The following USH2A variants were observed in gnomAD, a reference collection of about 807,000 sequenced individuals.
USH2A encodes Usher syndrome 2A (autosomal recessive, mild).
Under a neutral mutation model 538.9 loss-of-function variants are expected in USH2A, and 443 were observed. That is an observed-to-expected ratio of 0.82 (90% CI 0.76 to 0.89). The LOEUF (loss-of-function observed/expected upper bound fraction) is 0.89. Ranked by LOEUF, USH2A falls within the 40% of genes least tolerant of loss-of-function variation. USH2A has a pLI of 0.00. For missense variants in USH2A, 6,633 were observed against 6,324.8 expected, an observed-to-expected ratio of 1.05 and a Z score of -1.65; for synonymous variants, 2,413 against 2,273.5, an observed-to-expected ratio of 1.06 and a Z score of -1.75.
chr1:216,184,790 T>C (rs868608856), intron 20 of USH2A, among the ~76,000 whole-genome samples: 2 of 152,004 alleles, frequency 1.3e-5, no homozygotes, highest in African/African-American at 4.8e-5. Flanking sequence ...AAAAGACTTA[T>C]GTACCCGAAT....
At chr1:216,092,807 C>G (rs2032334537) in intron 22 of USH2A, among the ~76,000 whole-genome samples, 1 of 152,130 alleles carries the variant, frequency 6.6e-6, no homozygotes, top group East Asian at 1.9e-4. Context: ...ATCCTAAGGC[C>G]ATCCTGCTCA....
intron 61 of USH2A, among the ~76,000 whole-genome samples, chr1:215,722,404 A>T (rs937862536): frequency 6.6e-6 from 1 of 152,262 alleles, no homozygotes; most frequent in African/African-American, 2.4e-5. Flanking sequence ...ATATGTAAAG[A>T]GCAGTAATAT....
At chr1:215,787,248 G>A (rs1661828034) in intron 51 of USH2A, among the ~76,000 whole-genome samples, 1 of 152,082 alleles carries the variant, frequency 6.6e-6, no homozygotes, top group Admixed American at 6.6e-5. Flanking sequence ...ACTCAAAACT[G>A]ATAAGTCTTT....
intron 32 of USH2A, among the ~76,000 whole-genome samples, chr1:216,009,504 T>C (rs12736533): frequency 0.47 from 70,798 of 151,936 alleles, 17,036 homozygotes; most frequent in East Asian, 0.69. Flanking sequence ...GCCTGACGTC[T>C]AGGCATTCTT....
chr1:215,927,854 C>T (rs1666271965), intron 38 of USH2A, among the ~76,000 whole-genome samples: 1 of 151,950 alleles, frequency 6.6e-6, no homozygotes, highest in Admixed American at 6.6e-5. Context: ...AACATACCTC[C>T]AGAGGGTCCT....
chr1:215,836,488 TTATATATATAATATATATTA>T (rs1663504903), intron 47 of USH2A, among the ~76,000 whole-genome samples: 2 of 20,810 alleles, frequency 9.6e-5, no homozygotes, highest in African/African-American at 1.4e-4. Context: ...ATAATATATA[TTATATATATAATATATATTA>T]TATATATATA....
intron 64 of USH2A, among the ~76,000 whole-genome samples, chr1:215,669,834 A>C (rs1051954162): frequency 1.3e-5 from 2 of 152,204 alleles, no homozygotes; most frequent in African/African-American, 4.8e-5. Flanking sequence ...TCATGCTTAA[A>C]ATGTTCCCTG....
chr1:216,087,818 CAG>C (rs1333656819), intron 23 of USH2A, among the ~76,000 whole-genome samples: 1 of 152,150 alleles, frequency 6.6e-6, no homozygotes, highest in Non-Finnish European at 1.5e-5. Context: ...TGAATTATTA[CAG>C]AGTTATTGCA....
chr1:215,807,483 G>A (rs978691289), intron 49 of USH2A, among the ~76,000 whole-genome samples: 1 of 152,130 alleles, frequency 6.6e-6, no homozygotes, highest in African/African-American at 2.4e-5. Flanking sequence ...TTTGTCAATA[G>A]TGGTAGCATA....
chr1:216,152,431 AT>A (rs34149189), intron 21 of USH2A, among the ~76,000 whole-genome samples: 92,758 of 148,926 alleles, frequency 0.62, 29,107 homozygotes, highest in East Asian at 0.78. Flanking sequence ...TGGCTCAAAA[AT>A]CACCCCCACT....
At chr1:215,639,728 A>G (rs1317982683) in intron 68 of USH2A, among the ~76,000 whole-genome samples, 1 of 152,228 alleles carries the variant, frequency 6.6e-6, no homozygotes, top group African/African-American at 2.4e-5. Flanking sequence ...CTGGCCAGGT[A>G]GAACCTGTGT....
chr1:215,900,026 A>T, intron 40 of USH2A, 49 bp downstream of exon 40: 1 of 1,612,634 alleles, frequency 6.2e-7, no homozygotes, highest in Non-Finnish European at 8.5e-7. Flanking sequence ...AGACATTTTA[A>T]GCTCCCTATG....
intron 20 of USH2A, among the ~76,000 whole-genome samples, chr1:216,187,227 C>T (rs1040184136): frequency 2.0e-5 from 3 of 151,896 alleles, no homozygotes; most frequent in African/African-American, 7.2e-5. Context: ...TCACCTTTCT[C>T]ACAGCCCTTA....
Position 216,292,348 on chromosome 1 carries a change from T to C in USH2A, c.1667A>G (p.Tyr556Cys), listed in dbSNP as rs1571668955. 1 of 1,613,970 alleles carries C rather than the reference T, an allele frequency of 6.2e-7. No homozygotes were observed. Among genetic ancestry groups the C allele is most frequent in the Non-Finnish European group, 8.5e-7 (1 of 1,179,908 alleles). Residue 556 changes from tyrosine to cysteine, a missense_variant, in exon 10 of 72, where the codon TAT becomes TGT. Tyr to Cys is a radical substitution (Grantham distance 194, BLOSUM62 -2). Coordinates refer to ENST00000307340, the MANE Select transcript of USH2A (RefSeq NM_206933.4). Reference sequence around the variant, plus strand: ...ACCTTGGCGGAAAGGCTTGTCATTATAAAGAGGCAAGCAGCGATCACACTA... The same window carrying C: ...ACCTTGGCGGAAAGGCTTGTCATTACAAAGAGGCAAGCAGCGATCACACTA... Reference protein sequence around the residue: ...GLHCDRCLPLYNDKPFRQGDQ... With the variant: ...GLHCDRCLPLCNDKPFRQGDQ...
intron 11 of USH2A, among the ~76,000 whole-genome samples, chr1:216,277,122 C>A (rs2102589312): frequency 6.6e-6 from 1 of 152,210 alleles, no homozygotes; most frequent in East Asian, 1.9e-4. Context: ...GGTGTCTGTT[C>A]TTGCTAAAAG....
rs536774993 is a variant in USH2A, at chr1:216,409,320, C to G, written c.651+9194G>C. On this transcript the variant is annotated intron_variant, in intron 3 of 71. Coordinates refer to ENST00000307340, the MANE Select transcript of USH2A (RefSeq NM_206933.4). ...TGGCCATATTGCCCAAAGCAATTTA[C>G]AGATTCAGTGCTATTTCTATCAAAC... 1.0e-3 allele frequency among the ~76,000 whole-genome samples: 155 copies of G among 152,164 alleles called. 2 individuals carry two copies. Among genetic ancestry groups the G allele is most frequent in the African/African-American group, 3.6e-3 (148 of 41,526 alleles).
At chr1:215,661,603 T>C (rs74958771) in intron 64 of USH2A, among the ~76,000 whole-genome samples, 3,146 of 152,308 alleles carry the variant, frequency 0.021, 102 homozygotes, top group South Asian at 0.073. Flanking sequence ...CAGTGGAGAA[T>C]ATTTTGAACC....
chr1:216,335,741 A>G (rs773403217), intron 4 of USH2A, among the ~76,000 whole-genome samples: 3 of 151,596 alleles, frequency 2.0e-5, no homozygotes, highest in Non-Finnish European at 4.4e-5. Flanking sequence ...TAGCAATCTG[A>G]ATAGATCTAT....
At chr1:216,382,248 T>G (rs938577535) in intron 3 of USH2A, among the ~76,000 whole-genome samples, 3 of 152,070 alleles carry the variant, frequency 2.0e-5, no homozygotes, top group Non-Finnish European at 4.4e-5. Context: ...AAAGGATGAG[T>G]GCATGTCTAC....
Sources: allele counts gnomAD v4.1 joint callset (sites outside exome capture counted in the v4.1 genomes callset), GRCh38; gene constraint gnomAD v4.1.1; transcripts MANE v1.5; gene names NCBI Gene and HGNC (gene_info 2026-07-23, HGNC 2026-07-21).